CXXC5: variants seen among roughly 807,000 people sequenced by gnomAD.
CXXC5 encodes the protein CXXC finger protein 5.
CXXC5 carries 2 observed loss-of-function variants against 17.6 expected under a neutral mutation model. The ratio of observed to expected loss-of-function variants is 0.11; its 90% CI spans 0.05 to 0.36. The LOEUF (loss-of-function observed/expected upper bound fraction) is 0.36, where lower values mean the gene tolerates loss of function less well. Among genes scored for constraint, CXXC5 ranks in the 10% least tolerant of loss-of-function variants. The pLI is 1.00. For synonymous variants in CXXC5, 171 were observed against 193.0 expected (o/e 0.89, Z 0.94); for missense variants, 343 against 458.3 (o/e 0.75, Z 2.30).
rs747834262 is a variant in CXXC5 at position 139,682,851 on chromosome 5, C to T, written c.925-12C>T. 1.3e-5 allele frequency: 21 copies of T among 1,590,000 alleles called. No homozygotes were observed. The highest frequency in any genetic ancestry group is 8.1e-5 in the African/African-American group (6 of 73,884). The stretch of plus-strand genomic sequence containing the variant: ...GAACTCTCTCCTTGTTTTTGTCTCC[C>T]GCCCCCGCCAGAAGGTGATGCTTCC... On this transcript the variant is annotated splice_polypyrimidine_tract_variant and intron_variant, in intron 2 of 2. Transcript: ENST00000302517.
chr5:139,675,242 T>G (rs968675288), intron 1 of CXXC5, among the ~76,000 whole-genome samples: 3 of 152,192 alleles, frequency 2.0e-5, no homozygotes, highest in African/African-American at 7.2e-5. Context: ...GTGGGCCACC[T>G]GTGTACATGT....
At chr5:139,647,596 A>T (rs1754940925), upstream of CXXC5, among the ~76,000 whole-genome samples, 1 of 152,048 alleles carries the variant, frequency 6.6e-6, no homozygotes, top group Admixed American at 6.5e-5. Flanking sequence ...TTCAATCAGT[A>T]CCTATTGAGC....
intron 1 of CXXC5, among the ~76,000 whole-genome samples, chr5:139,669,077 G>A (rs1756298936): frequency 6.6e-6 from 1 of 152,196 alleles, no homozygotes; most frequent in South Asian, 2.1e-4. Context: ...CTGTGCTGAG[G>A]GCCAGGCAGG....
chr5:139,657,901 G>A (rs894369787), intron 1 of CXXC5, among the ~76,000 whole-genome samples: 17 of 140,810 alleles, frequency 1.2e-4, no homozygotes, highest in Non-Finnish European at 1.4e-4. Context: ...CCTCCTAGCC[G>A]CAGGATGGGG....
At chr5:139,679,771 C>G (rs1415647187) in intron 1 of CXXC5, 4 of 152,278 alleles carry the variant, frequency 2.6e-5, no homozygotes, top group Non-Finnish European at 5.9e-5. Context: ...AAGCAGTCCT[C>G]CCACCTCAGC....
chr5:139,670,857 G>A lies in CXXC5; in HGVS notation c.-160-9507G>A, dbSNP rs1029504240. ...ACATCTTGAGACTACACACTCAACCGGGCACATTCACAGTCCACTGGACAC... is the reference window on the plus strand; with the variant it reads ...ACATCTTGAGACTACACACTCAACCAGGCACATTCACAGTCCACTGGACAC... On this transcript the variant is annotated intron_variant, in intron 1 of 2. Coordinates refer to ENST00000302517, the MANE Select transcript of CXXC5 (RefSeq NM_016463.9). This position sits in a 1 kb window ranked among gnomAD's most constrained non-coding sequence, Gnocchi z 4.2. Among the ~76,000 whole-genome samples, 8 of 152,274 alleles carry A rather than the reference G, an allele frequency of 5.3e-5. No individual in the cohort carries two copies. The highest frequency in any genetic ancestry group is 1.4e-4 in the African/African-American group (6 of 41,544).
At chr5:139,652,173 T>TGCGCGC (rs1287358390) in intron 1 of CXXC5, among the ~76,000 whole-genome samples, 1 of 136,586 alleles carries the variant, frequency 7.3e-6, no homozygotes, top group East Asian at 3.0e-4. Context: ...CGCGCGCGCG[T>TGCGCGC]GTGTGTGTGT....
rs1756587684 is a variant in CXXC5, at chr5:139,673,406, G to A, written c.-160-6958G>A. 3.9e-5 allele frequency among the ~76,000 whole-genome samples: 6 copies of A among 152,288 alleles called. 1 individual carries two copies. In the South Asian group the frequency reaches 1.2e-3, roughly 32 times the overall value. On this transcript the variant is annotated intron_variant, in intron 1 of 2. Transcript: ENST00000302517. ...GAGGGAGGTGCCTATTGAGGAAAGG[G>A]CCTGTCTTTATCAGAGGCATCCCAG...
At chr5:139,660,531 A>C (rs1158712471) in intron 1 of CXXC5, among the ~76,000 whole-genome samples, 2 of 152,138 alleles carry the variant, frequency 1.3e-5, no homozygotes, top group Non-Finnish European at 2.9e-5. Flanking sequence ...ACCCCAACCC[A>C]GTCACCTTTG....
In CXXC5 at chr5:139,683,649, C is replaced by G. The variant is rs1223036753; in HGVS notation, c.*742C>G. The G allele has an allele frequency of 6.6e-6, 1 of 152,540 alleles. No homozygotes were observed. Among genetic ancestry groups the G allele is most frequent in the African/African-American group, 2.4e-5 (1 of 41,450 alleles). The allele number at this position is 152,540 out of a possible 1,614,324, so 9.4% of individuals were successfully genotyped here. The stretch of plus-strand genomic sequence containing the variant: ...GAGCCCCATCTCGATATTTCCAATC[C>G]TGGCTACTTTTCTTAGAGAAAATAA... On this transcript the variant is annotated 3_prime_UTR_variant, in exon 3 of 3. Transcript: ENST00000302517.
chr5:139,675,034 G>A (rs1383117946), intron 1 of CXXC5, among the ~76,000 whole-genome samples: 1 of 152,098 alleles, frequency 6.6e-6, no homozygotes, highest in African/African-American at 2.4e-5. Flanking sequence ...GCCTCAGATA[G>A]CTCATTGTGT....
intron 1 of CXXC5, among the ~76,000 whole-genome samples, chr5:139,655,464 G>A (rs1326586709): frequency 2.8e-5 from 3 of 108,430 alleles, no homozygotes; most frequent in South Asian, 3.1e-4. Flanking sequence ...CATCCCTGCC[G>A]CTGAATTACT....
At chr5:139,656,198 C>T (rs1217529869) in intron 1 of CXXC5, among the ~76,000 whole-genome samples, 1 of 152,262 alleles carries the variant, frequency 6.6e-6, no homozygotes, top group Admixed American at 6.5e-5. Context: ...CCCTACACAC[C>T]CAAGTAGGGG....
chr5:139,654,270 C>T (rs541049116), intron 1 of CXXC5, among the ~76,000 whole-genome samples: 2 of 152,206 alleles, frequency 1.3e-5, no homozygotes, highest in African/African-American at 2.4e-5. Flanking sequence ...CTAACCTCCA[C>T]CCAGACAAGT....
intron 1 of CXXC5, among the ~76,000 whole-genome samples, chr5:139,667,570 G>A (rs766801211): frequency 2.6e-5 from 4 of 152,168 alleles, no homozygotes; most frequent in South Asian, 2.1e-4. Context: ...ACTTGGTACC[G>A]GCTGGGGTCT....
Position 139,663,342 on chromosome 5 carries a change from C to T in CXXC5, c.-161+14497C>T, listed in dbSNP as rs936302106. ...GGCAAATGGAGCCTTTGCAGGGTGG[C>T]GAGAGGCTTGGGATGTGCCTTTGTG... is the stretch of plus-strand genomic sequence containing the variant. On this transcript the variant is annotated intron_variant, in intron 1 of 2. Coordinates refer to ENST00000302517, the MANE Select transcript of CXXC5 (RefSeq NM_016463.9). This position sits in a 1 kb window ranked among gnomAD's most constrained non-coding sequence, Gnocchi z 4.2. Among the ~76,000 whole-genome samples the T allele has an allele frequency of 8.5e-5, 13 of 152,056 alleles. No homozygotes were observed. The highest frequency in any genetic ancestry group is 1.6e-4 in the Non-Finnish European group (11 of 68,010).
rs367923718 is a variant in CXXC5, at chr5:139,681,288, C to T, written c.765C>T (p.Ser255=). Residue 255 remains serine (S), a synonymous_variant, in exon 2 of 3, where the codon TCC becomes TCT. Coordinates refer to ENST00000302517, the MANE Select transcript of CXXC5 (RefSeq NM_016463.9). The part of the protein sequence containing the change: ...MQGELASAIS[S]GKKKRKRCGM... The stretch of plus-strand genomic sequence containing the variant: ...GAGAGCTGGCCTCTGCCATCAGCTC[C>T]GGCAAGAAGAAGCGGAAACGCTGCG... 3.7e-5 allele frequency: 60 copies of T among 1,612,658 alleles called. No individual in the cohort carries two copies. The African/African-American group carries it at 3.9e-4, about 10-fold the overall frequency.
intron 1 of CXXC5, among the ~76,000 whole-genome samples, chr5:139,662,748 G>C (rs574334668): frequency 6.6e-6 from 1 of 152,328 alleles, no homozygotes; most frequent in South Asian, 2.1e-4. Flanking sequence ...CCGTGCCGCG[G>C]ACTCTGGAGT....
At chr5:139,650,090 T>TC (rs869077542) in intron 1 of CXXC5, among the ~76,000 whole-genome samples, 7 of 151,790 alleles carry the variant, frequency 4.6e-5, no homozygotes, top group East Asian at 1.9e-4. Flanking sequence ...TGTTCTTTTT[T>TC]CCCCCCCGGG....
Sources: allele counts gnomAD v4.1 joint callset (sites outside exome capture counted in the v4.1 genomes callset), GRCh38; gene constraint gnomAD v4.1.1; non-coding constraint Gnocchi (gnomAD v3.1); transcripts MANE v1.5; gene names NCBI Gene and HGNC (gene_info 2026-07-23, HGNC 2026-07-21).